Variants in CCDC141 observed in about 807,000 individuals in gnomAD.
The protein encoded by CCDC141 is coiled-coil domain containing 141, also known as coiled-coil domain-containing protein 141.
CCDC141 carries 168 observed loss-of-function variants against 181.0 expected under a neutral mutation model. The ratio of observed to expected loss-of-function variants is 0.93; its 90% CI spans 0.82 to 1.05. The LOEUF (loss-of-function observed/expected upper bound fraction) is 1.05, where lower values mean the gene tolerates loss of function less well. CCDC141 is among the 50% of genes least tolerant of loss of function. The pLI is 0.00. For synonymous variants in CCDC141, 666 were observed against 642.3 expected (o/e 1.04, Z -0.56); for missense variants, 1,902 against 1,788.5 (o/e 1.06, Z -1.14).
intron 2 of CCDC141, among the ~76,000 whole-genome samples, chr2:178,986,338 T>C (rs887374729): frequency 6.6e-6 from 1 of 152,128 alleles, no homozygotes; most frequent in Non-Finnish European, 1.5e-5. Flanking sequence ...GAGCTATCTA[T>C]GACAAACCCA....
Position 179,049,912 on chromosome 2 carries a change from C to A in CCDC141, c.30G>T (p.Ala10=). The change falls in exon 1 of 24, where the codon GCG becomes GCT. Residue 10 remains alanine (A), a synonymous_variant. Coordinates refer to ENST00000443758, the MANE Select transcript of CCDC141 (RefSeq NM_173648.4). ...CTGAACTGACTGTCGTCGTAGAAAG[C>A]GCAACACTAGGACTTCCTTGGCTGG... The part of the protein sequence containing the change: MSSQGSPSV[A]LSTTTVSSVA... 6.4e-7 allele frequency: 1 copy of A among 1,550,712 alleles called. No individual in the cohort carries two copies. Among genetic ancestry groups the A allele is most frequent in the South Asian group, 1.2e-5 (1 of 84,054 alleles).
intron 21 of CCDC141, among the ~76,000 whole-genome samples, chr2:178,848,900 A>G (rs1033354530): frequency 6.6e-6 from 1 of 152,224 alleles, no homozygotes; most frequent in Non-Finnish European, 1.5e-5. Context: ...ATCATTTCAT[A>G]TATTAAAAAT....
intron 2 of CCDC141, among the ~76,000 whole-genome samples, chr2:179,013,109 T>C (rs904575378): frequency 1.3e-5 from 2 of 152,098 alleles, no homozygotes; most frequent in Non-Finnish European, 1.5e-5. Context: ...CTGGAAGTCC[T>C]AGCCAGAGCA....
intron 4 of CCDC141, among the ~76,000 whole-genome samples, chr2:178,966,372 G>C (rs1180056241): frequency 1.3e-5 from 2 of 152,196 alleles, no homozygotes; most frequent in Non-Finnish European, 2.9e-5. Flanking sequence ...GGAGAGCTCT[G>C]ACTGGCGTCT....
chr2:179,035,740 T>C (rs1454578642), intron 2 of CCDC141, among the ~76,000 whole-genome samples: 2 of 152,162 alleles, frequency 1.3e-5, no homozygotes, highest in Non-Finnish European at 2.9e-5. Context: ...AGAGTTACAA[T>C]TCCAAGTTTC....
At chr2:178,913,026 T>C (rs1446763960) in intron 7 of CCDC141, among the ~76,000 whole-genome samples, 1 of 152,224 alleles carries the variant, frequency 6.6e-6, no homozygotes, top group East Asian at 1.9e-4. Context: ...ATCATAGCTT[T>C]CCCACAACCC....
chr2:179,009,686 T>A (rs888703242), intron 2 of CCDC141, among the ~76,000 whole-genome samples: 2 of 141,322 alleles, frequency 1.4e-5, no homozygotes, highest in Admixed American at 7.1e-5. Flanking sequence ...GGGGTGGGGG[T>A]GCAGTGGATT....
At chr2:179,045,904 G>A (rs116950309) in intron 2 of CCDC141, among the ~76,000 whole-genome samples, 1 of 73,138 alleles carries the variant, frequency 1.4e-5, no homozygotes, top group East Asian at 5.5e-4. Context: ...AAAACCCAGA[G>A]TAAGGAGCTG....
At chr2:178,857,232 T>C (rs1430725429) in intron 17 of CCDC141, among the ~76,000 whole-genome samples, 2 of 152,190 alleles carry the variant, frequency 1.3e-5, no homozygotes, top group African/African-American at 4.8e-5. Context: ...AAGCTATCCA[T>C]GTTGAAGAGG....
intron 4 of CCDC141, among the ~76,000 whole-genome samples, chr2:178,962,207 T>A (rs1410647932): frequency 6.6e-6 from 1 of 152,148 alleles, no homozygotes; most frequent in African/African-American, 2.4e-5. Context: ...TCTTGTAGAA[T>A]TGGGATGTTA....
Position 178,865,853 on chromosome 2 carries a change from T to C in CCDC141, c.2638A>G (p.Met880Val), listed in dbSNP as rs771064761. Reference protein sequence around the residue: ...QQLELLEEDSMKWRAKAEEYG... With the variant: ...QQLELLEEDSVKWRAKAEEYG... Reference sequence around the variant, plus strand: ...TCCTCAGCTTTGGCACGCCACTTCATGCTGTCCTCCTCAAGGAGCTCCAGC... The same window carrying C: ...TCCTCAGCTTTGGCACGCCACTTCACGCTGTCCTCCTCAAGGAGCTCCAGC... Residue 880 changes from methionine (M) to valine (V), a missense_variant, in exon 17 of 24, where the codon ATG becomes GTG. Coordinates refer to ENST00000443758, the MANE Select transcript of CCDC141 (RefSeq NM_173648.4). 1.9e-6 allele frequency: 3 copies of C among 1,606,900 alleles called. No individual in the cohort carries two copies. Among genetic ancestry groups the C allele is most frequent in the South Asian group, 1.1e-5 (1 of 89,932 alleles).
At chr2:178,961,098 G>T in intron 5 of CCDC141, 132 bp downstream of exon 5, 1 of 930,662 alleles carries the variant, frequency 1.1e-6, no homozygotes, top group Non-Finnish European at 1.6e-6. Flanking sequence ...TGGTAGTTTG[G>T]ATGAAAGCTT....
the CCDC141 span, among the ~76,000 whole-genome samples, chr2:178,816,847 A>T: frequency 2.0e-5 from 3 of 152,192 alleles, no homozygotes; most frequent in Non-Finnish European, 4.4e-5. Context: ...AATAACTTTA[A>T]ACGTGGCTCC....
At position 178,831,934 on chromosome 2, in the gene CCDC141, A is replaced by G. The variant is rs781264196; in HGVS notation, c.*2239T>C. The G allele has an allele frequency of 1.3e-5, 2 of 151,924 alleles. No individual in the cohort carries two copies. Among genetic ancestry groups the G allele is most frequent in the Non-Finnish European group, 2.9e-5 (2 of 68,010 alleles). 9.4% of individuals were successfully genotyped at this position (151,924 alleles called of 1,614,324 possible). On this transcript the variant is annotated 3_prime_UTR_variant, in exon 24 of 24. Coordinates refer to ENST00000443758, the MANE Select transcript of CCDC141 (RefSeq NM_173648.4). ...TTTTCCATCATAACCATGGATGCAT[A>G]TGTATCTCATTCTGCTCCCCAAAGA...
intron 11 of CCDC141, among the ~76,000 whole-genome samples, chr2:178,879,715 G>A (rs1465787256): frequency 6.6e-6 from 1 of 152,136 alleles, no homozygotes; most frequent in African/African-American, 2.4e-5. Flanking sequence ...AACTCTATAT[G>A]GAGTAAATAG....
intron 2 of CCDC141, among the ~76,000 whole-genome samples, chr2:179,015,498 C>CATATATCTCATATATATGAT (rs2042471646): frequency 7.5e-6 from 1 of 132,758 alleles, no homozygotes; most frequent in Non-Finnish European, 1.6e-5. Flanking sequence ...ATATATGTGC[C>CATATATCTCATATATATGAT]ATATATATCA....
At position 178,832,572 on chromosome 2, in the gene CCDC141, G is replaced by A. The variant is rs1278751901; in HGVS notation, c.*1601C>T. ...AATATAGTTCTATCAAAATTTAGAA[G>A]GAAACTGAGATTTAATTTTTTAATT... On this transcript the variant is annotated 3_prime_UTR_variant, in exon 24 of 24. Transcript: ENST00000443758. 6.6e-6 allele frequency: 1 copy of A among 151,238 alleles called. No individual in the cohort carries two copies. The highest frequency in any genetic ancestry group is 1.5e-5 in the Non-Finnish European group (1 of 67,898). The allele number at this position is 151,238 out of a possible 1,614,324, so 9.4% of individuals were successfully genotyped here.
chr2:178,851,200 T>A (rs1685150602), intron 20 of CCDC141, among the ~76,000 whole-genome samples: 2 of 107,096 alleles, frequency 1.9e-5, no homozygotes, highest in East Asian at 3.4e-4. Context: ...AGCAAGACTT[T>A]GTCTCAAAAA....
downstream of CCDC141, among the ~76,000 whole-genome samples, chr2:178,828,646 C>T (rs1684160484): frequency 6.6e-6 from 1 of 152,186 alleles, no homozygotes; most frequent in African/African-American, 2.4e-5. Context: ...CCCTTTCTGA[C>T]CCTGCCAAGT....
Sources: allele counts gnomAD v4.1 joint callset (sites outside exome capture counted in the v4.1 genomes callset), GRCh38; gene constraint gnomAD v4.1.1; transcripts MANE v1.5; gene names NCBI Gene and HGNC (gene_info 2026-07-23, HGNC 2026-07-21).